PTP4A1: variants seen among roughly 807,000 people sequenced by gnomAD.
PTP4A1 encodes protein tyrosine phosphatase 4A1, also known as protein tyrosine phosphatase type IVA 1.
In PTP4A1, 9 loss-of-function variants were observed where a neutral mutation model predicts 20.5. That is an observed-to-expected ratio of 0.44 (90% CI 0.26 to 0.77). The LOEUF is 0.77. PTP4A1 is among the 30% of genes least tolerant of loss of function. The pLI is 0.19. For missense variants in PTP4A1, 137 were observed against 218.8 expected (o/e 0.63, Z 2.36); for synonymous variants, 78 against 67.4 (o/e 1.16, Z -0.77).
At chr6:63,518,077 G>T (rs777577271), upstream of PTP4A1, among the ~76,000 whole-genome samples, 66 of 151,574 alleles carry the variant, frequency 4.4e-4, no homozygotes, top group Non-Finnish European at 8.1e-4. Context: ...GCTTAAACCC[G>T]GGAGGCGGAG....
rs543564867 is a variant in PTP4A1, at chr6:63,547,187, A to ATT, written c.-639-3094_-639-3093dup. On this transcript the variant is annotated intron_variant, in intron 2 of 3. Transcript: ENST00000639568. ...GAAGTTTACAGGCTAGTAGGGGGGA[A>ATT]TTTTTTTTTTTTTTTTTTTTGAGAT... Among the ~76,000 whole-genome samples the ATT allele has an allele frequency of 1.0e-3, 136 of 133,948 alleles. 2 individuals are homozygous for ATT. The highest frequency in any genetic ancestry group is 8.8e-4 in the African/African-American group (32 of 36,174). 87.9% of individuals were successfully genotyped at this position (133,948 alleles called of 152,430 possible). A position where few individuals can be genotyped will look rare whatever the true frequency, so the allele number is the denominator to read the frequency against.
intron 1 of PTP4A1, among the ~76,000 whole-genome samples, chr6:63,523,870 A>G (rs1351857473): frequency 2.0e-5 from 3 of 152,190 alleles, no homozygotes; most frequent in Non-Finnish European, 4.4e-5. Context: ...TGAATTTTTA[A>G]CAGATTGCCT....
upstream of PTP4A1, chr6:63,572,383 C>A: frequency 3.1e-6 from 1 of 326,266 alleles, no homozygotes; most frequent in Non-Finnish European, 5.5e-6. Context: ...TCCGCCCCCG[C>A]CTGTCGGCTC....
chr6:63,572,335 GGCGGCCGCC>G (rs1406054780), upstream of PTP4A1: 2 of 259,462 alleles, frequency 7.7e-6, no homozygotes, highest in Non-Finnish European at 1.5e-5. Context: ...TCACACCGGC[GGCGGCCGCC>G]GCGGAGTGAC....
intron 3 of PTP4A1, among the ~76,000 whole-genome samples, chr6:63,551,435 G>A (rs1437667141): frequency 6.6e-6 from 1 of 152,124 alleles, no homozygotes; most frequent in Admixed American, 6.5e-5. Context: ...AATTCATACT[G>A]ATTCACAAAT....
At chr6:63,520,436 G>A (rs1774877970), upstream of PTP4A1, among the ~76,000 whole-genome samples, 1 of 152,176 alleles carries the variant, frequency 6.6e-6, no homozygotes, top group South Asian at 2.1e-4. Flanking sequence ...AGACCAGCCT[G>A]GCCAATGTGG....
chr6:63,562,225 G>A (rs1274081775), intron 3 of PTP4A1, among the ~76,000 whole-genome samples: 1 of 139,978 alleles, frequency 7.1e-6, no homozygotes, highest in African/African-American at 2.7e-5. Context: ...TTGAGACAGA[G>A]TTTTGCTCTT....
At chr6:63,570,713 T>C (rs1440459712), upstream of PTP4A1, among the ~76,000 whole-genome samples, 2 of 152,258 alleles carry the variant, frequency 1.3e-5, no homozygotes, top group Admixed American at 6.5e-5. Flanking sequence ...TATCTGTGTT[T>C]ACCAACTTGT....
chr6:63,538,762 C>CA lies in PTP4A1; in HGVS notation c.-640+10678_-640+10679insA, dbSNP rs1167463882. Among the ~76,000 whole-genome samples, 6 of 152,194 alleles carry CA rather than the reference C, an allele frequency of 3.9e-5. 1 individual carries two copies. In the South Asian group the frequency reaches 8.3e-4, roughly 21 times the overall value. On this transcript the variant is annotated intron_variant, in intron 2 of 3. Transcript: ENST00000639568. ...GCTTGTTAAAACACAGACTGATGGG[C>CA]CCCACCTCCAGAGTTCTGATTCCAG...
chr6:63,574,604 C>G (rs1777731254), intron 1 of PTP4A1, among the ~76,000 whole-genome samples: 1 of 152,098 alleles, frequency 6.6e-6, no homozygotes, highest in Non-Finnish European at 1.5e-5. Context: ...TATGGCCAGA[C>G]TAGGTTGTAG....
rs1015832679 is a variant in PTP4A1 at position 63,555,054 on chromosome 6, A to T, written c.-446+4561A>T. On this transcript the variant is annotated intron_variant, in intron 3 of 3. Coordinates refer to the PTP4A1 transcript ENST00000639568. The stretch of plus-strand genomic sequence containing the variant: ...AGCCAAGCAAAGCAGCAATTATTCC[A>T]TGTATTCCTGGAAGACTCATACCTC... Among the ~76,000 whole-genome samples, 12 of 152,338 alleles carry T rather than the reference A, an allele frequency of 7.9e-5. No individual in the cohort carries two copies. The East Asian group carries it at 9.7e-4, about 12-fold the overall frequency.
chr6:63,577,144 A>G (rs888252605), intron 2 of PTP4A1, among the ~76,000 whole-genome samples, 159 bp downstream of exon 2: 2 of 152,204 alleles, frequency 1.3e-5, no homozygotes, highest in African/African-American at 4.8e-5. Flanking sequence ...TTAGAGGTAT[A>G]TTTGTACATT....
chr6:63,572,910 A>T (rs964939259), intron 1 of PTP4A1, among the ~76,000 whole-genome samples, 191 bp downstream of exon 1: 4 of 152,078 alleles, frequency 2.6e-5, no homozygotes, highest in Non-Finnish European at 5.9e-5. Flanking sequence ...GTGCGGAGGC[A>T]GATGCCGGGC....
At chr6:63,575,233 C>A (rs1332971134) in intron 1 of PTP4A1, among the ~76,000 whole-genome samples, 1 of 152,082 alleles carries the variant, frequency 6.6e-6, no homozygotes, top group African/African-American at 2.4e-5. Context: ...CTAATGGAAC[C>A]TTTTGTTAAA....
At chr6:63,525,244 T>C (rs957349821) in intron 1 of PTP4A1, among the ~76,000 whole-genome samples, 1 of 152,216 alleles carries the variant, frequency 6.6e-6, no homozygotes, top group African/African-American at 2.4e-5. Flanking sequence ...TTATTAGTAC[T>C]CTTTCAGGAT....
At chr6:63,577,430 C>T (rs1682042278) in intron 2 of PTP4A1, among the ~76,000 whole-genome samples, 1 of 152,180 alleles carries the variant, frequency 6.6e-6, no homozygotes, top group South Asian at 2.1e-4. Context: ...ACTCTACCTG[C>T]CTCTTTTTAC....
intron 2 of PTP4A1, among the ~76,000 whole-genome samples, chr6:63,577,467 A>G (rs1777943315): frequency 6.6e-6 from 1 of 152,220 alleles, no homozygotes; most frequent in South Asian, 2.1e-4. Context: ...AATGCTGAAT[A>G]ATATATCGGG....
intron 3 of PTP4A1, among the ~76,000 whole-genome samples, chr6:63,554,348 T>C (rs956925308): frequency 4.6e-5 from 7 of 152,214 alleles, no homozygotes; most frequent in Non-Finnish European, 1.0e-4. Flanking sequence ...GTCCAGAACT[T>C]GACCAGAAAT....
intron 2 of PTP4A1, among the ~76,000 whole-genome samples, chr6:63,540,789 G>A (rs1581920221): frequency 6.6e-6 from 1 of 150,930 alleles, no homozygotes; most frequent in East Asian, 2.0e-4. Context: ...TAGCAAATAG[G>A]ACCCCGTCTC....
Sources: allele counts gnomAD v4.1 joint callset (sites outside exome capture counted in the v4.1 genomes callset), GRCh38; gene constraint gnomAD v4.1.1; transcripts MANE v1.5; gene names NCBI Gene and HGNC (gene_info 2026-07-23, HGNC 2026-07-21).